The following CFH variants were observed in gnomAD, a reference collection of about 807,000 sequenced individuals.
CFH encodes complement factor H.
In CFH, 53 loss-of-function variants were observed where a neutral mutation model predicts 147.3. That is an observed-to-expected ratio of 0.36 (90% confidence interval 0.29 to 0.45). CFH has a LOEUF of 0.45. Ranked by LOEUF, CFH falls within the 20% of genes least tolerant of loss-of-function variation. The pLI, the probability that CFH is intolerant of heterozygous loss-of-function variation, is 1.00. For missense variants in CFH, 1,380 were observed against 1,498.0 expected, an observed-to-expected ratio of 0.92 and a Z score of 1.30; for synonymous variants, 536 against 489.4, an observed-to-expected ratio of 1.10 and a Z score of -1.26.
chr1:196,671,250 A>C (rs913967481), intron 1 of CFH, among the ~76,000 whole-genome samples: 1 of 152,116 alleles, frequency 6.6e-6, no homozygotes, highest in Non-Finnish European at 1.5e-5. Flanking sequence ...AAGACCTAAC[A>C]CTAATTCTAA....
At chr1:196,673,443 TCTC>T (rs1667351750) in intron 2 of CFH, 1 of 419,254 alleles carries the variant, frequency 2.4e-6, no homozygotes, top group Non-Finnish European at 4.4e-6. Context: ...TTCAAGCAAT[TCTC>T]CTGCCTCAAC....
intron 20 of CFH, 117 bp from the exon 21 acceptor site, chr1:196,745,700 C>CCAGAAA: frequency 7.0e-7 from 1 of 1,430,186 alleles, no homozygotes; most frequent in East Asian, 2.3e-5. Flanking sequence ...ATTTCTTTCA[C>CCAGAAA]CAGAAATCAC....
chr1:196,723,238 A>AT (rs1217568676), intron 11 of CFH, among the ~76,000 whole-genome samples: 65 of 151,024 alleles, frequency 4.3e-4, no homozygotes, highest in Admixed American at 4.0e-4. Context: ...AACAGACAGG[A>AT]TTTTTTTTTT....
rs111440999 is a variant in CFH at position 196,656,309 on chromosome 1, G to GA, written c.58+4148dup. ...ACAGAGGGAGATTCCATCTCAAAAA[G>GA]AAAAAAAAAAAAAAGAAAGAAAGAA... is the stretch of plus-strand genomic sequence containing the variant. On this transcript the variant is annotated intron_variant, in intron 1 of 21. Coordinates refer to ENST00000367429, the MANE Select transcript of CFH (RefSeq NM_000186.4). Among the ~76,000 whole-genome samples the GA allele has an allele frequency of 4.0e-3, 342 of 84,982 alleles. 1 individual carries two copies. Among genetic ancestry groups the GA allele is most frequent in the East Asian group, 0.011 (30 of 2,820 alleles). 55.8% of individuals were successfully genotyped at this position (84,982 alleles called of 152,430 possible).
chr1:196,673,491 C>A (rs1667353788), intron 2 of CFH: 4 of 376,210 alleles, frequency 1.1e-5, no homozygotes, highest in Non-Finnish European at 2.0e-5. Context: ...CACGTGCCAC[C>A]ACGCCCGGCT....
chr1:196,690,246 A>C lies in CFH; in HGVS notation c.1336+7A>C, dbSNP rs755476410. On this transcript the variant is annotated splice_region_variant and intron_variant, in intron 9 of 21. Coordinates refer to ENST00000367429, the MANE Select transcript of CFH (RefSeq NM_000186.4). ...CCCAGATGCATCCGTGTCAGTAAGT[A>C]CACTACTCTGAAATCCTAGCATGTT... The C allele has an allele frequency of 1.2e-6, 2 of 1,613,082 alleles. No individual in the cohort carries two copies. The highest frequency in any genetic ancestry group is 2.2e-5 in the South Asian group (2 of 91,076).
intron 6 of CFH, among the ~76,000 whole-genome samples, chr1:196,682,579 T>C (rs1441151454): frequency 6.6e-6 from 1 of 151,488 alleles, no homozygotes; most frequent in Non-Finnish European, 1.5e-5. Flanking sequence ...TGGTATTAAA[T>C]TGAGCTATAT....
chr1:196,658,407 A>ATTTTTTT lies in CFH; in HGVS notation c.58+6248_58+6254dup, dbSNP rs549213437. Among the ~76,000 whole-genome samples the ATTTTTTT allele has an allele frequency of 2.7e-4, 25 of 92,252 alleles. 2 individuals are homozygous for ATTTTTTT. The highest frequency in any genetic ancestry group is 1.0e-3 in the African/African-American group (20 of 19,102). 60.5% of individuals were successfully genotyped at this position (92,252 alleles called of 152,430 possible). A position where few individuals can be genotyped will look rare whatever the true frequency, so the allele number is the denominator to read the frequency against. On this transcript the variant is annotated intron_variant, in intron 1 of 21. Transcript: ENST00000367429. ...GGATTACAGCCACCTTGCTCAGGTAATTTTTTTTTTTTTTTTTTTTTTGAG... is the reference window on the plus strand; with the variant it reads ...GGATTACAGCCACCTTGCTCAGGTAATTTTTTTTTTTTTTTTTTTTTTTTTTTTTGAG...
intron 9 of CFH, chr1:196,701,520 A>G (rs374588771): frequency 3.0e-5 from 23 of 762,370 alleles, no homozygotes; most frequent in South Asian, 1.1e-4. Context: ...AGGCAGCCCA[A>G]TGGGGCTGGT....
chr1:196,706,416 C>T (rs1488044057), intron 9 of CFH, among the ~76,000 whole-genome samples: 2 of 151,962 alleles, frequency 1.3e-5, no homozygotes, highest in Non-Finnish European at 2.9e-5. Flanking sequence ...AAAAAAAAAT[C>T]ACTAGGCAGA....
chr1:196,666,630 C>G (rs1019974859), intron 1 of CFH, among the ~76,000 whole-genome samples: 5 of 142,946 alleles, frequency 3.5e-5, no homozygotes, highest in Admixed American at 7.1e-5. Flanking sequence ...AACACCGTTT[C>G]TACTAAAAAT....
rs987924512 is a variant in CFH at position 196,654,774 on chromosome 1, C to T, written c.58+2599C>T. ...ATCCTGGAGATTTAGAGTGCAGAAA[C>T]GTTATTTCAGGTCCCAGAAGACTTT... On this transcript the variant is annotated intron_variant, in intron 1 of 21. Coordinates refer to ENST00000367429, the MANE Select transcript of CFH (RefSeq NM_000186.4). Among the ~76,000 whole-genome samples the T allele has an allele frequency of 1.7e-4, 26 of 152,104 alleles. 1 individual carries two copies. Among genetic ancestry groups the T allele is most frequent in the South Asian group, 1.0e-3 (5 of 4,814 alleles).
intron 9 of CFH, among the ~76,000 whole-genome samples, chr1:196,705,144 A>G (rs187185811): frequency 1.5e-3 from 224 of 152,330 alleles, no homozygotes; most frequent in Non-Finnish European, 4.9e-4. Context: ...TGTTGACGGC[A>G]TATTAGAAGC....
At position 196,658,306 on chromosome 1, in the gene CFH, G is replaced by A. The variant is rs558758581; in HGVS notation, c.58+6131G>A. On this transcript the variant is annotated intron_variant, in intron 1 of 21. Coordinates refer to ENST00000367429, the MANE Select transcript of CFH (RefSeq NM_000186.4). ...TTTGTCACCCAGGCTGCAGCGTACTGGTGCAATCATGGCTCACTGCAGCCT... is the reference window on the plus strand; with the variant it reads ...TTTGTCACCCAGGCTGCAGCGTACTAGTGCAATCATGGCTCACTGCAGCCT... Among the ~76,000 whole-genome samples, 12 of 151,776 alleles carry A rather than the reference G, an allele frequency of 7.9e-5. 2 individuals are homozygous for A. The highest frequency in any genetic ancestry group is 2.9e-4 in the African/African-American group (12 of 41,360).
chr1:196,699,957 C>A (rs750658209), intron 9 of CFH, among the ~76,000 whole-genome samples: 36 of 152,112 alleles, frequency 2.4e-4, no homozygotes, highest in Non-Finnish European at 3.8e-4. Flanking sequence ...TCACTAGAAT[C>A]TTTGTTCTTT....
chr1:196,714,342 A>G (rs1378307559), intron 10 of CFH, among the ~76,000 whole-genome samples: 4 of 151,716 alleles, frequency 2.6e-5, no homozygotes, highest in Non-Finnish European at 5.9e-5. Context: ...AAACTCTATA[A>G]TTTGTAGATT....
At position 196,654,104 on chromosome 1, in the gene CFH, A is replaced by G. The variant is rs535233964; in HGVS notation, c.58+1929A>G. The stretch of plus-strand genomic sequence containing the variant: ...AACAGAGTAGCTTTGATCATGAAAA[A>G]TACTCACATATATTTCAATATTTGC... On this transcript the variant is annotated intron_variant, in intron 1 of 21. Transcript: ENST00000367429. Among the ~76,000 whole-genome samples the G allele has an allele frequency of 9.7e-4, 147 of 152,216 alleles. 1 individual carries two copies. The highest frequency in any genetic ancestry group is 3.4e-3 in the Middle Eastern group (1 of 294).
intron 11 of CFH, among the ~76,000 whole-genome samples, chr1:196,717,982 T>C (rs759193566): frequency 6.6e-6 from 1 of 152,050 alleles, no homozygotes; most frequent in Non-Finnish European, 1.5e-5. Context: ...TCATCTGAGA[T>C]TGAATAGTGT....
At chr1:196,702,539 AC>A (rs1158791997) in intron 9 of CFH, among the ~76,000 whole-genome samples, 72 of 21,332 alleles carry the variant, frequency 3.4e-3, no homozygotes, top group African/African-American at 0.013. Context: ...AAAAAAAAAA[AC>A]ATCCAAAGCA....
Sources: gnomAD v4.1 joint callset for allele counts (sites outside exome capture counted in the v4.1 genomes callset) on GRCh38, gnomAD v4.1.1 for gene constraint, MANE v1.5 for transcripts, NCBI Gene and HGNC (gene_info 2026-07-23, HGNC 2026-07-21) for gene names.